The following TESK2 variants were observed in gnomAD, a reference collection of about 807,000 sequenced individuals.
TESK2 encodes the protein testis associated actin remodelling kinase 2.
TESK2 carries 39 observed loss-of-function variants against 57.1 expected under a neutral mutation model. That is an observed-to-expected ratio of 0.68 (90% CI 0.53 to 0.89). The LOEUF is 0.89. Among genes scored for constraint, TESK2 ranks in the 40% least tolerant of loss-of-function variants. TESK2 has a pLI of 0.00. For synonymous variants in TESK2, 249 were observed against 267.9 expected (o/e 0.93, Z 0.69); for missense variants, 646 against 732.1 (o/e 0.88, Z 1.36).
chr1:45,477,069 A>AAAAAAAAAT (rs1169393438), intron 1 of TESK2, among the ~76,000 whole-genome samples: 1 of 148,684 alleles, frequency 6.7e-6, no homozygotes, highest in Non-Finnish European at 1.5e-5. Context: ...AAAAAAAAAA[A>AAAAAAAAAT]AATACAAAAA....
chr1:45,442,318 G>A (rs983775435), intron 2 of TESK2, among the ~76,000 whole-genome samples: 5 of 150,556 alleles, frequency 3.3e-5, no homozygotes, highest in African/African-American at 9.8e-5. Context: ...AATTTACATT[G>A]ATACTTTGCT....
At chr1:45,376,214 T>C (rs1648417061) in intron 4 of TESK2, among the ~76,000 whole-genome samples, 1 of 766 alleles carries the variant, frequency 1.3e-3, no homozygotes, top group Non-Finnish European at 3.8e-3. Context: ...TTTCTCTCTC[T>C]TTTTTTTTTT....
chr1:45,428,620 A>G (rs1650796839), intron 2 of TESK2, among the ~76,000 whole-genome samples: 1 of 151,878 alleles, frequency 6.6e-6, no homozygotes, highest in Admixed American at 6.6e-5. Context: ...CTCCCACCTC[A>G]GCCACTTGAG....
intron 1 of TESK2, among the ~76,000 whole-genome samples, chr1:45,474,886 C>G (rs1652919639): frequency 6.6e-6 from 1 of 150,700 alleles, no homozygotes; most frequent in Non-Finnish European, 1.5e-5. Context: ...AATATTGGAC[C>G]CGATGCAAAT....
intron 4 of TESK2, among the ~76,000 whole-genome samples, chr1:45,372,837 G>A (rs142954351): frequency 6.6e-6 from 1 of 151,568 alleles, no homozygotes; most frequent in Non-Finnish European, 1.5e-5. Flanking sequence ...TTCGAGACCA[G>A]CCTCAACATG....
chr1:45,448,013 A>ATGTGTGTG (rs149120113), intron 2 of TESK2, among the ~76,000 whole-genome samples: 32 of 148,342 alleles, frequency 2.2e-4, no homozygotes, highest in African/African-American at 5.7e-4. Context: ...GGAAGACTCA[A>ATGTGTGTG]TGTGTGTGTG....
At chr1:45,475,682 G>T (rs1370786764) in intron 1 of TESK2, among the ~76,000 whole-genome samples, 1 of 152,124 alleles carries the variant, frequency 6.6e-6, no homozygotes, top group South Asian at 2.1e-4. Flanking sequence ...GTGAGGGTGC[G>T]GCCAAGGGAG....
intron 1 of TESK2, 45 bp from the exon 2 acceptor site, chr1:45,457,916 A>G (rs1652173593): frequency 1.5e-6 from 1 of 681,672 alleles, no homozygotes; most frequent in Admixed American, 2.9e-5. Context: ...TAATGAATAA[A>G]TACATGTAAA....
intron 2 of TESK2, among the ~76,000 whole-genome samples, chr1:45,426,822 G>C (rs757114453): frequency 6.6e-6 from 1 of 151,972 alleles, no homozygotes; most frequent in Admixed American, 6.6e-5. Flanking sequence ...GAAGACATAC[G>C]AACAGCAAAC....
chr1:45,484,177 C>T (rs1432964871), intron 1 of TESK2, among the ~76,000 whole-genome samples: 1 of 143,808 alleles, frequency 7.0e-6, no homozygotes, highest in Non-Finnish European at 1.5e-5. Context: ...GGCGCGATCT[C>T]GGCTCACTGC....
intron 3 of TESK2, among the ~76,000 whole-genome samples, chr1:45,387,445 A>G (rs1648949496): frequency 6.6e-6 from 1 of 152,110 alleles, no homozygotes. Context: ...GCCATTAACA[A>G]TACCCAAGTC....
chr1:45,406,549 G>A (rs561719428), intron 3 of TESK2, among the ~76,000 whole-genome samples: 2 of 152,136 alleles, frequency 1.3e-5, no homozygotes, highest in African/African-American at 2.4e-5. Flanking sequence ...CAGCTGTTGT[G>A]AAGGCTGAGG....
chr1:45,485,989 G>A (rs541885092), intron 1 of TESK2, among the ~76,000 whole-genome samples: 1 of 151,906 alleles, frequency 6.6e-6, no homozygotes, highest in East Asian at 1.9e-4. Context: ...ATACAACTAA[G>A]GTTTTCCTAA....
chr1:45,389,113 CT>C (rs1649033464), intron 3 of TESK2, among the ~76,000 whole-genome samples: 1 of 152,106 alleles, frequency 6.6e-6, no homozygotes, highest in Non-Finnish European at 1.5e-5. Context: ...AGTCTGGTAG[CT>C]TTCTAAGAGG....
At chr1:45,442,783 T>G (rs1006198951) in intron 2 of TESK2, among the ~76,000 whole-genome samples, 5 of 152,114 alleles carry the variant, frequency 3.3e-5, no homozygotes, top group Admixed American at 2.0e-4. Flanking sequence ...ATCCAAATCG[T>G]TCCAATTTTC....
chr1:45,437,890 C>T (rs570541668), intron 2 of TESK2, among the ~76,000 whole-genome samples: 2 of 152,306 alleles, frequency 1.3e-5, no homozygotes, highest in South Asian at 2.1e-4. Flanking sequence ...TACAGACACA[C>T]ATAAGTGTTG....
chr1:45,398,894 G>T, intron 3 of TESK2: 3 of 406,694 alleles, frequency 7.4e-6, no homozygotes, highest in South Asian at 5.3e-5. Context: ...AGCAGATGCA[G>T]AAGATCCAGT....
chr1:45,444,821 T>C (rs554686338), intron 2 of TESK2, among the ~76,000 whole-genome samples: 2 of 152,290 alleles, frequency 1.3e-5, no homozygotes, highest in African/African-American at 4.8e-5. Flanking sequence ...ATGGGAGGAA[T>C]TTAGCTCATG....
chr1:45,433,907 T>C (rs1415971822), intron 2 of TESK2, among the ~76,000 whole-genome samples: 1 of 152,184 alleles, frequency 6.6e-6, no homozygotes, highest in African/African-American at 2.4e-5. Context: ...CCCCCAAGAA[T>C]ATAAGAGTTC....
Sources: gnomAD v4.1 joint callset for allele counts (sites outside exome capture counted in the v4.1 genomes callset) on GRCh38, gnomAD v4.1.1 for gene constraint, MANE v1.5 for transcripts, NCBI Gene and HGNC (gene_info 2026-07-23, HGNC 2026-07-21) for gene names.